Variants in MICU1 observed in about 807,000 individuals in gnomAD.
MICU1 encodes the protein mitochondrial calcium uptake 1, also known as calcium uptake protein 1, mitochondrial.
In MICU1, 45 loss-of-function variants were observed where a neutral mutation model predicts 56.8. That is an observed-to-expected ratio of 0.79 (90% confidence interval 0.62 to 1.02). The LOEUF (loss-of-function observed/expected upper bound fraction) is 1.02, where lower values mean the gene tolerates loss of function less well. Ranked by LOEUF, MICU1 falls within the 50% of genes least tolerant of loss-of-function variation. MICU1 has a pLI of 0.00. For synonymous variants in MICU1, 186 were observed against 195.1 expected (o/e 0.95, Z 0.39); for missense variants, 504 against 587.1 (o/e 0.86, Z 1.46).
At chr10:72,523,674 GTTTAA>G (rs1867888222) in intron 5 of MICU1, 1 of 576,106 alleles carries the variant, frequency 1.7e-6, no homozygotes, top group African/African-American at 1.9e-5. Flanking sequence ...CTACAACTCA[GTTTAA>G]TTTATATTTT....
chr10:72,535,591 A>G (rs1417016229), intron 4 of MICU1, among the ~76,000 whole-genome samples: 1 of 152,172 alleles, frequency 6.6e-6, no homozygotes, highest in Non-Finnish European at 1.5e-5. Flanking sequence ...TTCTAAGCAT[A>G]TTGAACAAAA....
chr10:72,416,423 G>T (rs1024878027), intron 9 of MICU1, among the ~76,000 whole-genome samples: 1 of 152,084 alleles, frequency 6.6e-6, no homozygotes, highest in Non-Finnish European at 1.5e-5. Context: ...AGTTTTCAAG[G>T]GGTATGCTAG....
chr10:72,540,267 C>CAAAAAAAAAAAAAAAAAA (rs11287541), intron 4 of MICU1, among the ~76,000 whole-genome samples: 2 of 85,464 alleles, frequency 2.3e-5, no homozygotes, highest in African/African-American at 4.5e-5. Context: ...AACTCCATCT[C>CAAAAAAAAAAAAAAAAAA]AAAAAAAAAA....
At chr10:72,527,687 C>T (rs1868004360) in intron 5 of MICU1, among the ~76,000 whole-genome samples, 1 of 152,000 alleles carries the variant, frequency 6.6e-6, no homozygotes, top group South Asian at 2.1e-4. Flanking sequence ...TAAAAATAGA[C>T]AGCTTAAGAT....
intron 4 of MICU1, among the ~76,000 whole-genome samples, chr10:72,538,069 A>G (rs1839680217): frequency 6.6e-6 from 1 of 152,114 alleles, no homozygotes; most frequent in Admixed American, 6.5e-5. Context: ...CTTTTCTTTC[A>G]GTTGTCACTA....
intron 5 of MICU1, chr10:72,532,893 T>A (rs2132408974): frequency 8.5e-7 from 1 of 1,183,198 alleles, no homozygotes. Context: ...CTTACCAGGA[T>A]ATGGACTTTT....
intron 9 of MICU1, among the ~76,000 whole-genome samples, chr10:72,415,628 C>T (rs1213645089): frequency 6.6e-6 from 1 of 152,200 alleles, no homozygotes; most frequent in Non-Finnish European, 1.5e-5. Flanking sequence ...TCCATGATTT[C>T]CTACTGTCAA....
chr10:72,401,371 A>G (rs368539124), intron 10 of MICU1, among the ~76,000 whole-genome samples: 2 of 152,186 alleles, frequency 1.3e-5, no homozygotes, highest in East Asian at 3.8e-4. Flanking sequence ...CCATCACTTC[A>G]GGCCAGGTGC....
intron 8 of MICU1, among the ~76,000 whole-genome samples, chr10:72,450,240 A>G (rs1032690839): frequency 2.0e-5 from 3 of 152,006 alleles, no homozygotes; most frequent in African/African-American, 7.2e-5. Flanking sequence ...GAAGCAGGAA[A>G]AGATATGAGT....
chr10:72,462,252 T>C (rs1451072216), intron 8 of MICU1, among the ~76,000 whole-genome samples: 6 of 151,404 alleles, frequency 4.0e-5, no homozygotes, highest in African/African-American at 9.7e-5. Context: ...GGTCTTACTC[T>C]GTCACCCAGG....
At position 72,488,667 on chromosome 10, in the gene MICU1, G is replaced by T. The variant is rs182278391; in HGVS notation, c.653-11411C>A. ...TTTCCCCACTGCTCCAGTCAAGGGA[G>T]ATTTAACAGATTTTAAACTGGGAAA... On this transcript the variant is annotated intron_variant, in intron 6 of 11. Transcript: ENST00000361114. Among the ~76,000 whole-genome samples the T allele has an allele frequency of 1.6e-4, 25 of 152,244 alleles. No individual in the cohort carries two copies. In the East Asian group the frequency reaches 4.4e-3, roughly 27 times the overall value.
chr10:72,620,376 G>A (rs1258610816), intron 1 of MICU1, among the ~76,000 whole-genome samples: 1 of 152,072 alleles, frequency 6.6e-6, no homozygotes, highest in African/African-American at 2.4e-5. Context: ...AGTAGAGACA[G>A]GGTTTCACCA....
intron 1 of MICU1, among the ~76,000 whole-genome samples, chr10:72,588,326 GTT>G (rs11440516): frequency 6.7e-6 from 1 of 148,266 alleles, no homozygotes; most frequent in African/African-American, 2.5e-5. Flanking sequence ...CCAGTCTGAG[GTT>G]TTTTTTTTTA....
chr10:72,371,532 C>T (rs1323571758), intron 11 of MICU1, among the ~76,000 whole-genome samples: 1 of 152,024 alleles, frequency 6.6e-6, no homozygotes, highest in Non-Finnish European at 1.5e-5. Flanking sequence ...AACCTGAGGT[C>T]AGAAGTTCGA....
chr10:72,476,458 T>G (rs773105865), intron 7 of MICU1, among the ~76,000 whole-genome samples: 2 of 152,012 alleles, frequency 1.3e-5, no homozygotes, highest in Non-Finnish European at 2.9e-5. Context: ...CAAACTAGCC[T>G]CAAGTGGTCC....
At chr10:72,488,407 C>G (rs910485830) in intron 6 of MICU1, among the ~76,000 whole-genome samples, 3 of 152,020 alleles carry the variant, frequency 2.0e-5, no homozygotes, top group African/African-American at 7.2e-5. Context: ...ATGCCAGACA[C>G]ATTTATTTTA....
intron 8 of MICU1, among the ~76,000 whole-genome samples, chr10:72,426,024 T>C (rs1246801463): frequency 6.6e-6 from 1 of 151,738 alleles, no homozygotes; most frequent in East Asian, 2.0e-4. Flanking sequence ...CCAAAACTTT[T>C]TTTGTTGTTG....
chr10:72,475,401 G>A lies in MICU1; in HGVS notation c.736-104C>T, dbSNP rs931005737. The A allele has an allele frequency of 5.7e-6, 6 of 1,052,960 alleles. No homozygotes were observed. In the African/African-American group the frequency reaches 6.5e-5, roughly 11 times the overall value. The allele number at this position is 1,052,960 out of a possible 1,614,324, so 65.2% of individuals were successfully genotyped here. A position where few individuals can be genotyped will look rare whatever the true frequency, so the allele number is the denominator to read the frequency against. The stretch of plus-strand genomic sequence containing the variant: ...CTATTGTTTACTATTTGCCTACTCT[G>A]TATTATAATTATCTCTTTTAATGCT... On this transcript the variant is annotated intron_variant, in intron 7 of 11. Transcript: ENST00000361114.
At chr10:72,429,435 A>AAG (rs58016405) in intron 8 of MICU1, among the ~76,000 whole-genome samples, 1 of 151,502 alleles carries the variant, frequency 6.6e-6, no homozygotes, top group African/African-American at 2.4e-5. Context: ...AAAAAAAAAA[A>AAG]GAAAAAAAAT....
Sources: allele counts gnomAD v4.1 joint callset (sites outside exome capture counted in the v4.1 genomes callset), GRCh38; gene constraint gnomAD v4.1.1; transcripts MANE v1.5; gene names NCBI Gene and HGNC (gene_info 2026-07-23, HGNC 2026-07-21).